OAS2: variants seen among roughly 807,000 people sequenced by gnomAD.
OAS2 encodes the protein 2'-5'-oligoadenylate synthetase 2.
A neutral mutation model predicts 71.3 loss-of-function variants in OAS2; 67 were observed. The ratio of observed to expected loss-of-function variants is 0.94; its 90% confidence interval spans 0.77 to 1.15. OAS2 has a LOEUF of 1.15. Among genes scored for constraint, OAS2 ranks in the 50% most tolerant of loss-of-function variants. The probability of loss-of-function intolerance (pLI) is 0.00; values close to 1 mark genes in which losing one functional copy is unlikely to be tolerated. For missense variants in OAS2, 789 were observed against 822.5 expected, an observed-to-expected ratio of 0.96 and a Z score of 0.50; for synonymous variants, 327 against 321.8, an observed-to-expected ratio of 1.02 and a Z score of -0.17.
At chr12:112,989,822 G>C (rs965594484) in intron 2 of OAS2, among the ~76,000 whole-genome samples, 1 of 152,050 alleles carries the variant, frequency 6.6e-6, no homozygotes, top group East Asian at 1.9e-4. Context: ...GACTGGGGGT[G>C]CTTAGAATTT....
Position 113,006,459 on chromosome 12 carries a change from G to T in OAS2, c.1515G>T (p.Gly505=). 1 of 1,604,552 alleles carries T rather than the reference G, an allele frequency of 6.2e-7. No individual in the cohort carries two copies. Among genetic ancestry groups the T allele is most frequent in the Non-Finnish European group, 8.5e-7 (1 of 1,172,690 alleles). Residue 505 remains glycine (G), a synonymous_variant, in exon 8 of 10, where the codon GGG becomes GGT. Transcript: ENST00000392583. ...GSTPSPEVYA[G]LIDLYKSSDL... is the part of the protein sequence containing the mutation. ...CACCCAGCCCCGAGGTTTATGCAGG[G>T]CTCATTGATCTGTATAAATCCTCGG...
At position 113,007,778 on chromosome 12, in the gene OAS2, G is replaced by A. The variant is rs772419566; in HGVS notation, c.1730G>A (p.Trp577Ter). 3 of 1,614,176 alleles carry A rather than the reference G, an allele frequency of 1.9e-6. No homozygotes were observed. The highest frequency in any genetic ancestry group is 2.2e-5 in the South Asian group (2 of 91,078). ...TTGGAGCTGCTCACCATCTATGCCT[G>A]GGAGCAGGGGAGTGGAGTGCCGGAT... ...YALELLTIYA[W>*]EQGSGVPDFD... Residue 577 changes from tryptophan (W) to a stop codon, truncating the protein, a stop_gained, in exon 9 of 10, where the codon TGG becomes TAG. Coordinates refer to ENST00000392583, the MANE Select transcript of OAS2 (RefSeq NM_002535.3). LOFTEE classifies it high-confidence loss of function.
In OAS2 at chr12:113,010,067, C is replaced by T; in HGVS notation, c.*812C>T. 1 of 1,038,038 alleles carries T rather than the reference C, an allele frequency of 9.6e-7. No homozygotes were observed. Among genetic ancestry groups the T allele is most frequent in the Non-Finnish European group, 1.2e-6 (1 of 861,038 alleles). 64.3% of individuals were successfully genotyped at this position (1,038,038 alleles called of 1,614,324 possible). A position where few individuals can be genotyped will look rare whatever the true frequency, so the allele number is the denominator to read the frequency against. On this transcript the variant is annotated 3_prime_UTR_variant, in exon 10 of 10. Transcript: ENST00000392583. ...ATCTCTGGCCTGTACCCAGTAGATG[C>T]CACCCAGTTGTGACAATTAAAAGTG...
Position 112,987,163 on chromosome 12 carries a change from T to A in OAS2, c.303T>A (p.Thr101=), listed in dbSNP as rs762170951. The A allele has an allele frequency of 1.2e-6, 2 of 1,614,134 alleles. No individual in the cohort carries two copies. Among genetic ancestry groups the A allele is most frequent in the South Asian group, 2.2e-5 (2 of 91,086 alleles). ...GCCAACGTGACATCCTCGATAAAAC[T>A]GGGGATAAGCTGAAGTTCTGTCTGT... The part of the protein sequence containing the change: ...KRSQRDILDK[T]GDKLKFCLFT... The change falls in exon 2 of 10, where the codon ACT becomes ACA. Residue 101 remains threonine (T), a synonymous_variant. Coordinates refer to ENST00000392583, the MANE Select transcript of OAS2 (RefSeq NM_002535.3).
At chr12:112,988,830 C>G in intron 2 of OAS2, 8 of 654,174 alleles carry the variant, frequency 1.2e-5, no homozygotes, top group Non-Finnish European at 1.5e-5. Flanking sequence ...TGAATTCTTT[C>G]CTGCATGAGA....
At chr12:112,982,942 G>T (rs999442271) in intron 1 of OAS2, among the ~76,000 whole-genome samples, 4 of 151,974 alleles carry the variant, frequency 2.6e-5, no homozygotes, top group African/African-American at 9.7e-5. Flanking sequence ...TCTCCTCTAG[G>T]CTTTCCAATT....
intron 1 of OAS2, among the ~76,000 whole-genome samples, chr12:112,981,407 G>A (rs2044081256): frequency 6.6e-6 from 1 of 151,886 alleles, no homozygotes; most frequent in Admixed American, 6.6e-5. Flanking sequence ...GATGACAGAC[G>A]GGGGCCTAGT....
chr12:112,995,206 A>C (rs1417093720), intron 2 of OAS2, 90 bp from the exon 3 acceptor site: 2 of 1,218,284 alleles, frequency 1.6e-6, no homozygotes, highest in Non-Finnish European at 2.3e-6. Context: ...TGTGCTATCA[A>C]ACTATAACTG....
chr12:112,981,441 C>T (rs934648241), intron 1 of OAS2, among the ~76,000 whole-genome samples: 29 of 151,964 alleles, frequency 1.9e-4, no homozygotes, highest in African/African-American at 7.0e-4. Flanking sequence ...ATATGGATAT[C>T]CAGTTTTCCC....
At chr12:112,993,691 G>A (rs1444996496) in intron 2 of OAS2, among the ~76,000 whole-genome samples, 2 of 151,882 alleles carry the variant, frequency 1.3e-5, no homozygotes, top group Non-Finnish European at 2.9e-5. Context: ...ACCAGCCTGG[G>A]CAACAGGCTT....
intron 1 of OAS2, among the ~76,000 whole-genome samples, chr12:112,981,221 T>C (rs1565988272): frequency 6.6e-6 from 1 of 152,218 alleles, no homozygotes; most frequent in Non-Finnish European, 1.5e-5. Flanking sequence ...TTTCATTTAA[T>C]ATAGTCCCAA....
At position 112,997,642 on chromosome 12, in the gene OAS2, C is replaced by T. The variant is rs149091650; in HGVS notation, c.750C>T (p.Thr250=). 2.3e-5 allele frequency: 37 copies of T among 1,613,970 alleles called. No homozygotes were observed. Among genetic ancestry groups the T allele is most frequent in the African/African-American group, 1.5e-4 (11 of 74,908 alleles). ...TTGACATTGCTGAAGGCGTCAGAAC[C>T]GTACTGGAGCTGATCAAATGCCAGG... The part of the protein sequence containing the change: ...DNFDIAEGVR[T]VLELIKCQEK... Residue 250 remains threonine, a synonymous_variant, in exon 4 of 10, where the codon ACC becomes ACT. Coordinates refer to ENST00000392583, the MANE Select transcript of OAS2 (RefSeq NM_002535.3).
chr12:112,978,792 C>T lies in OAS2; in HGVS notation c.177+7C>T, dbSNP rs759799053. 13 of 1,603,356 alleles carry T rather than the reference C, an allele frequency of 8.1e-6. No individual in the cohort carries two copies. In the South Asian group the frequency reaches 1.4e-4, roughly 18 times the overall value. ...GGTGCAGGGAGTGGCCATAGTGAGT[C>T]CAGGGCTGAGGTTGGGTCTCTGGGA... On this transcript the variant is annotated splice_region_variant and intron_variant, in intron 1 of 9. Transcript: ENST00000392583. The surrounding 1 kb of genome is among the most constrained non-coding windows in gnomAD (Gnocchi z 4.2).
In OAS2 at chr12:112,995,425, C is replaced by T. The variant is rs1677109866; in HGVS notation, c.578C>T (p.Pro193Leu). The change falls in exon 3 of 10, where the codon CCT becomes CTT. Residue 193 changes from proline to leucine, a missense_variant. Transcript: ENST00000392583. ...ELQQKFFDNRPGKLKDLILLI... is the reference protein window; with the variant it reads ...ELQQKFFDNRLGKLKDLILLI... ...CAGCAGAAGTTTTTTGACAACCGTC[C>T]TGGAAAACTAAAGGATTTGATCCTC... 3.7e-6 allele frequency: 6 copies of T among 1,614,024 alleles called. No homozygotes were observed. In the African/African-American group the frequency reaches 5.3e-5, roughly 14 times the overall value.
rs1418712697 is a variant in OAS2 at position 112,997,715 on chromosome 12, A to C, written c.823A>C (p.Thr275Pro). Reference protein sequence around the residue: ...WMVNYNFEDETIRNILLHQLQ... With the variant: ...WMVNYNFEDEPIRNILLHQLQ... ...GGTCAACTACAACTTTGAAGATGAG[A>C]CCATCAGGAACATCCTGCTGCACCA... The change falls in exon 4 of 10, where the codon ACC (threonine) becomes CCC (proline). Residue 275 changes from threonine (T) to proline (P), a missense_variant. Transcript: ENST00000392583. The C allele has an allele frequency of 3.1e-6, 5 of 1,610,452 alleles. No individual in the cohort carries two copies. The African/African-American group carries it at 6.7e-5, about 22-fold the overall frequency.
chr12:112,988,334 A>G (rs930916198), intron 2 of OAS2: 2 of 550,222 alleles, frequency 3.6e-6, no homozygotes, highest in East Asian at 1.5e-4. Context: ...GAGAGTCTTG[A>G]ACACAGCCAC....
intron 5 of OAS2, among the ~76,000 whole-genome samples, chr12:113,002,239 G>A (rs2044296348): frequency 6.6e-6 from 1 of 152,160 alleles, no homozygotes; most frequent in Admixed American, 6.5e-5. Flanking sequence ...AAAATTAAGA[G>A]GAAAAAGACC....
chr12:112,988,705 C>T (rs972239509), intron 2 of OAS2: 8 of 985,256 alleles, frequency 8.1e-6, no homozygotes, highest in East Asian at 1.1e-4. Flanking sequence ...TTCTTATCAA[C>T]GAAGACACTA....
At chr12:112,983,101 T>A (rs1269831632) in intron 1 of OAS2, among the ~76,000 whole-genome samples, 3 of 152,224 alleles carry the variant, frequency 2.0e-5, no homozygotes, top group Non-Finnish European at 4.4e-5. Context: ...GGTTCATCCA[T>A]TTTGTTTATC....
Sources: gnomAD v4.1 joint callset for allele counts (sites outside exome capture counted in the v4.1 genomes callset) on GRCh38, gnomAD v4.1.1 for gene constraint, Gnocchi (gnomAD v3.1) non-coding constraint, MANE v1.5 for transcripts, NCBI Gene and HGNC (gene_info 2026-07-23, HGNC 2026-07-21) for gene names.